The following SCN8A variants were observed in gnomAD, a reference collection of about 807,000 sequenced individuals.
The protein encoded by SCN8A is sodium voltage-gated channel alpha subunit 8.
A neutral mutation model predicts 184.1 loss-of-function variants in SCN8A; 30 were observed. That is an observed-to-expected ratio of 0.16 (90% CI 0.12 to 0.22). The LOEUF is 0.22. SCN8A is among the 10% of genes least tolerant of loss of function. The pLI is 1.00. For synonymous variants in SCN8A, 852 were observed against 907.0 expected, an observed-to-expected ratio of 0.94 and a Z score of 1.09; for missense variants, 1,057 against 2,498.9, an observed-to-expected ratio of 0.42 and a Z score of 12.30.
intron 23 of SCN8A, 21 bp downstream of exon 23, chr12:51,788,769 A>C: frequency 6.2e-7 from 1 of 1,603,642 alleles, no homozygotes; most frequent in Non-Finnish European, 8.5e-7. Flanking sequence ...ACATGGCGAA[A>C]ATACCACCTT....
In SCN8A at chr12:51,662,745, G is replaced by C. The variant is rs1424167613; in HGVS notation, c.-54-19G>C. ...GAGCAGTGATTGATTAATGCTGTCTGTGTTGCTGTTTCTTCCAGAGCTGAC... is the reference window on the plus strand; with the variant it reads ...GAGCAGTGATTGATTAATGCTGTCTCTGTTGCTGTTTCTTCCAGAGCTGAC... On this transcript the variant is annotated intron_variant, in intron 1 of 26. Transcript: ENST00000627620. 2 of 1,451,278 alleles carry C rather than the reference G, an allele frequency of 1.4e-6. No individual in the cohort carries two copies. The highest frequency in any genetic ancestry group is 2.3e-5 in the East Asian group (1 of 43,888). 89.9% of individuals were successfully genotyped at this position (1,451,278 alleles called of 1,614,324 possible). A position where few individuals can be genotyped will look rare whatever the true frequency, so the allele number is the denominator to read the frequency against.
chr12:51,712,809 T>G, intron 11 of SCN8A: 1 of 1,176,114 alleles, frequency 8.5e-7, no homozygotes, highest in South Asian at 1.2e-5. Flanking sequence ...ATCCATTATA[T>G]CCACCATCAC....
intron 1 of SCN8A, among the ~76,000 whole-genome samples, chr12:51,662,175 G>A (rs1940937884): frequency 6.6e-6 from 1 of 152,176 alleles, no homozygotes; most frequent in South Asian, 2.1e-4. Context: ...CTTTTATGCT[G>A]GATGGATTTT....
At chr12:51,636,126 G>C (rs1209453422) in intron 1 of SCN8A, among the ~76,000 whole-genome samples, 1 of 151,930 alleles carries the variant, frequency 6.6e-6, no homozygotes, top group Non-Finnish European at 1.5e-5. Flanking sequence ...TCCCAAGTAG[G>C]TAGGACTACA....
chr12:51,686,993 C>G (rs747791929), intron 4 of SCN8A, 98 bp from the exon 5 acceptor site: 5 of 1,286,212 alleles, frequency 3.9e-6, no homozygotes, highest in Non-Finnish European at 5.6e-6. Context: ...TGTTTTGTCT[C>G]TCTTAGTTGA....
chr12:51,615,827 C>T (rs1939824437), intron 1 of SCN8A, among the ~76,000 whole-genome samples: 2 of 152,174 alleles, frequency 1.3e-5, no homozygotes, highest in Admixed American at 6.5e-5. Flanking sequence ...AAGTGATCCT[C>T]TCACCTCAGC....
chr12:51,700,024 G>A (rs1034705094), intron 7 of SCN8A, among the ~76,000 whole-genome samples: 5 of 152,096 alleles, frequency 3.3e-5, no homozygotes, highest in African/African-American at 1.2e-4. Flanking sequence ...AAATTAGCCA[G>A]GCGTGGTGGC....
At chr12:51,719,109 T>C (rs1237372324) in intron 11 of SCN8A, among the ~76,000 whole-genome samples, 5 of 95,116 alleles carry the variant, frequency 5.3e-5, no homozygotes, top group Admixed American at 1.2e-4. Flanking sequence ...CAAGATAATA[T>C]TTATGTGAAT....
intron 14 of SCN8A, 46 bp from the exon 15 acceptor site, chr12:51,762,457 T>C (rs750227209): frequency 6.5e-7 from 1 of 1,548,590 alleles, no homozygotes; most frequent in East Asian, 2.3e-5. Flanking sequence ...AAAGGCATTC[T>C]CTTTCTACTA....
chr12:51,767,105 T>C (rs1223934920), intron 16 of SCN8A, among the ~76,000 whole-genome samples: 2 of 152,238 alleles, frequency 1.3e-5, no homozygotes, highest in Non-Finnish European at 2.9e-5. Context: ...CTGTAATGTT[T>C]AATTCTTCCT....
At chr12:51,800,177 A>G (rs891870193) in intron 26 of SCN8A, among the ~76,000 whole-genome samples, 6 of 152,242 alleles carry the variant, frequency 3.9e-5, no homozygotes, top group Admixed American at 6.5e-5. Flanking sequence ...CTTCTGGTGG[A>G]CCTTATGGAC....
At chr12:51,763,109 C>G (rs1303433837) in intron 15 of SCN8A, among the ~76,000 whole-genome samples, 1 of 152,162 alleles carries the variant, frequency 6.6e-6, no homozygotes, top group Non-Finnish European at 1.5e-5. Flanking sequence ...TTCTTCATTT[C>G]TTCTGTCATG....
intron 3 of SCN8A, among the ~76,000 whole-genome samples, chr12:51,685,961 A>G (rs963092912): frequency 6.6e-6 from 1 of 152,240 alleles, no homozygotes; most frequent in Non-Finnish European, 1.5e-5. Context: ...ACTTACCAAT[A>G]AATGAATACC....
chr12:51,792,986 A>AT (rs138214320), intron 25 of SCN8A, among the ~76,000 whole-genome samples: 1,600 of 152,070 alleles, frequency 0.011, 26 homozygotes, highest in African/African-American at 0.036. Context: ...CAAGTGATCA[A>AT]TTTTGGGAGG....
At chr12:51,733,011 T>A (rs1431845422) in intron 12 of SCN8A, among the ~76,000 whole-genome samples, 8 of 152,320 alleles carry the variant, frequency 5.3e-5, no homozygotes, top group African/African-American at 1.9e-4. Flanking sequence ...CAAGGATAAT[T>A]TGACTTCTTC....
At chr12:51,686,153 A>G (rs1015162049) in intron 3 of SCN8A, among the ~76,000 whole-genome samples, 3 of 152,166 alleles carry the variant, frequency 2.0e-5, no homozygotes, top group Non-Finnish European at 4.4e-5. Context: ...AAGAAGGAGA[A>G]TAGCTGTCCT....
At chr12:51,755,052 G>A (rs1163043793) in intron 14 of SCN8A, among the ~76,000 whole-genome samples, 1 of 152,092 alleles carries the variant, frequency 6.6e-6, no homozygotes, top group African/African-American at 2.4e-5. Context: ...ATGATATACT[G>A]TATAACAAAA....
intron 21 of SCN8A, among the ~76,000 whole-genome samples, chr12:51,782,451 A>G (rs303817): frequency 0.62 from 93,865 of 152,124 alleles, 31,508 homozygotes; most frequent in Non-Finnish European, 0.76. Flanking sequence ...TATAAAGTTG[A>G]TAATCCACTT....
At chr12:51,708,690 T>C (rs892430314) in intron 11 of SCN8A, among the ~76,000 whole-genome samples, 12 of 152,216 alleles carry the variant, frequency 7.9e-5, no homozygotes, top group African/African-American at 2.9e-4. Context: ...TAACCTTATC[T>C]TAGTTTTGGC....
Sources: gnomAD v4.1 joint callset for allele counts (sites outside exome capture counted in the v4.1 genomes callset) on GRCh38, gnomAD v4.1.1 for gene constraint, MANE v1.5 for transcripts, NCBI Gene and HGNC (gene_info 2026-07-23, HGNC 2026-07-21) for gene names.